Variants in SLC35F3 observed in about 807,000 individuals in gnomAD.
The protein encoded by SLC35F3 is solute carrier family 35 member F3, also known as putative thiamine transporter SLC35F3.
In SLC35F3, 25 loss-of-function variants were observed where a neutral mutation model predicts 49.9. The ratio of observed to expected loss-of-function variants is 0.50; its 90% CI spans 0.37 to 0.70. SLC35F3 has a LOEUF of 0.70. Ranked by LOEUF, SLC35F3 falls within the 30% of genes least tolerant of loss-of-function variation. The pLI is 0.00. For missense variants in SLC35F3, 525 were observed against 639.8 expected, an observed-to-expected ratio of 0.82 and a Z score of 1.94; for synonymous variants, 275 against 265.4, an observed-to-expected ratio of 1.04 and a Z score of -0.35.
rs1002209877 is a variant in SLC35F3 at position 234,214,814 on chromosome 1, A to G, written c.284-16603A>G. The G allele has an allele frequency of 5.8e-5, 27 of 467,510 alleles. No individual in the cohort carries two copies. In the East Asian group the frequency reaches 1.0e-3, roughly 17 times the overall value. The allele number at this position is 467,510 out of a possible 1,614,324, so 29.0% of individuals were successfully genotyped here. On this transcript the variant is annotated intron_variant, in intron 2 of 7. Coordinates refer to ENST00000366618, the MANE Select transcript of SLC35F3 (RefSeq NM_173508.4). This position sits in a 1 kb window ranked among gnomAD's most constrained non-coding sequence, Gnocchi z 8.0. ...CGGCGAGTGAGCACCCGGCTCCCCA[A>G]CCCTCTCCTTCCTGGGCAGCACCCA...
chr1:233,938,445 A>C (rs1259248710), intron 2 of SLC35F3, among the ~76,000 whole-genome samples: 1 of 152,196 alleles, frequency 6.6e-6, no homozygotes, highest in Admixed American at 6.5e-5. Flanking sequence ...GCAACCTAAG[A>C]ATATTGCCTT....
At position 234,081,904 on chromosome 1, in the gene SLC35F3, A is replaced by ATTTTTTTTTT. The variant is rs781469880; in HGVS notation, c.284-149490_284-149481dup. ...AGGCGCCTGCCACCATGCCTGGCTA[A>ATTTTTTTTTT]TTTTTTTTTTTTTTTTTTTTTTTTT... On this transcript the variant is annotated intron_variant, in intron 2 of 7. Coordinates refer to ENST00000366618, the MANE Select transcript of SLC35F3 (RefSeq NM_173508.4). 1.7e-3 allele frequency among the ~76,000 whole-genome samples: 65 copies of ATTTTTTTTTT among 39,232 alleles called. 11 individuals are homozygous for ATTTTTTTTTT. The highest frequency in any genetic ancestry group is 4.3e-3 in the South Asian group (3 of 694). 25.7% of individuals were successfully genotyped at this position (39,232 alleles called of 152,430 possible).
chr1:234,294,265 C>T (rs1026562947), intron 3 of SLC35F3, among the ~76,000 whole-genome samples: 4 of 152,152 alleles, frequency 2.6e-5, no homozygotes, highest in Admixed American at 1.3e-4. Context: ...CCCTCGACAG[C>T]GTTGAGCCGA....
intron 2 of SLC35F3, chr1:234,213,300 A>G (rs1226052494): frequency 1.3e-5 from 2 of 152,236 alleles, no homozygotes; most frequent in Non-Finnish European, 2.9e-5. Context: ...ATTCTGGGCA[A>G]AGATCTAACC....
intron 3 of SLC35F3, among the ~76,000 whole-genome samples, chr1:234,258,589 G>T (rs1335048400): frequency 1.3e-5 from 2 of 152,206 alleles, no homozygotes; most frequent in African/African-American, 2.4e-5. Flanking sequence ...AACAAGGAGC[G>T]AATAGTTTTG....
At chr1:234,316,935 C>A (rs968717436) in intron 5 of SLC35F3, among the ~76,000 whole-genome samples, 2 of 152,232 alleles carry the variant, frequency 1.3e-5, no homozygotes, top group African/African-American at 4.8e-5. Flanking sequence ...CTGCTCTTGG[C>A]TTTGGCTCTC....
chr1:234,150,099 C>T (rs756113155), intron 2 of SLC35F3, among the ~76,000 whole-genome samples: 13 of 152,212 alleles, frequency 8.5e-5, no homozygotes, highest in Non-Finnish European at 1.6e-4. Flanking sequence ...AGAATTTTTG[C>T]TCATCCAATC....
chr1:233,955,434 CTAG>C (rs1662680817), intron 2 of SLC35F3, among the ~76,000 whole-genome samples: 1 of 152,150 alleles, frequency 6.6e-6, no homozygotes, highest in Non-Finnish European at 1.5e-5. Flanking sequence ...TGGCCGGGGA[CTAG>C]TAGTCAACCT....
At chr1:234,298,407 C>T (rs1668638725) in intron 3 of SLC35F3, among the ~76,000 whole-genome samples, 2 of 152,138 alleles carry the variant, frequency 1.3e-5, no homozygotes, top group South Asian at 4.1e-4. Flanking sequence ...AAGAAAATAA[C>T]ATGGTCTGAT....
intron 2 of SLC35F3, among the ~76,000 whole-genome samples, chr1:234,179,132 T>C (rs1666520211): frequency 6.6e-6 from 1 of 152,158 alleles, no homozygotes; most frequent in South Asian, 2.1e-4. Context: ...TTCTTGACTC[T>C]GCAGAGCTGA....
intron 2 of SLC35F3, among the ~76,000 whole-genome samples, chr1:234,092,406 C>T (rs1025419595): frequency 1.3e-5 from 2 of 152,166 alleles, no homozygotes; most frequent in African/African-American, 4.8e-5. Context: ...CCTCTCCCAC[C>T]CCCTCCTACA....
Position 234,214,424 on chromosome 1 carries a change from C to T in SLC35F3, c.284-16993C>T, listed in dbSNP as rs1396934403. On this transcript the variant is annotated intron_variant, in intron 2 of 7. Transcript: ENST00000366618. This position sits in a 1 kb window ranked among gnomAD's most constrained non-coding sequence, Gnocchi z 8.0. ...CAGAGGGCCGCGTCGGCCACGGGCC[C>T]GGGAGAGACGCGCTCCAGCCGGCCC... The T allele has an allele frequency of 4.1e-6, 6 of 1,461,746 alleles. No individual in the cohort carries two copies. Among genetic ancestry groups the T allele is most frequent in the Non-Finnish European group, 5.4e-6 (6 of 1,104,158 alleles). The allele number at this position is 1,461,746 out of a possible 1,614,324, so 90.5% of individuals were successfully genotyped here. A position where few individuals can be genotyped will look rare whatever the true frequency, so the allele number is the denominator to read the frequency against.
In SLC35F3 at chr1:234,205,127, T is replaced by C. The variant is rs76454090; in HGVS notation, c.284-26290T>C. Among the ~76,000 whole-genome samples the C allele has an allele frequency of 4.4e-3, 670 of 152,276 alleles. 5 individuals are homozygous for C. Among genetic ancestry groups the C allele is most frequent in the Middle Eastern group, 0.014 (4 of 294 alleles). On this transcript the variant is annotated intron_variant, in intron 2 of 7. Coordinates refer to ENST00000366618, the MANE Select transcript of SLC35F3 (RefSeq NM_173508.4). ...TTATTTCTTTGGAGCACTTTATATT[T>C]TTTTGGCCAATAGGGTCATTTGGCA... is the stretch of plus-strand genomic sequence containing the variant.
intron 2 of SLC35F3, among the ~76,000 whole-genome samples, chr1:233,983,935 A>G (rs1377491848): frequency 6.6e-6 from 1 of 152,200 alleles, no homozygotes; most frequent in Non-Finnish European, 1.5e-5. Flanking sequence ...ACAACGTTCT[A>G]ATCAAGACTA....
Position 234,318,673 on chromosome 1 carries a change from A to T in SLC35F3, c.955-78A>T, listed in dbSNP as rs918084637. The T allele has an allele frequency of 3.1e-6, 4 of 1,291,448 alleles. No individual in the cohort carries two copies. In the African/African-American group the frequency reaches 4.4e-5, roughly 14 times the overall value. 80.0% of individuals were successfully genotyped at this position (1,291,448 alleles called of 1,614,324 possible). A position where few individuals can be genotyped will look rare whatever the true frequency, so the allele number is the denominator to read the frequency against. ...CTGCAGTGCAAACCCAGCGTTGTGG[A>T]GTGAACTCTGCTTTGCTTACATCAT... On this transcript the variant is annotated intron_variant, in intron 5 of 7. Transcript: ENST00000366618.
At chr1:234,091,066 C>T (rs1665037343) in intron 2 of SLC35F3, among the ~76,000 whole-genome samples, 1 of 152,168 alleles carries the variant, frequency 6.6e-6, no homozygotes, top group Admixed American at 6.5e-5. Flanking sequence ...TTTAATTACG[C>T]AAGTAATACA....
chr1:234,011,812 A>G (rs1006107005), intron 2 of SLC35F3, among the ~76,000 whole-genome samples: 7 of 152,120 alleles, frequency 4.6e-5, no homozygotes, highest in Admixed American at 6.5e-5. Flanking sequence ...TGGAGCACTG[A>G]AGGGGTGGCC....
At chr1:233,921,301 C>T (rs181780539) in intron 2 of SLC35F3, among the ~76,000 whole-genome samples, 1 of 152,270 alleles carries the variant, frequency 6.6e-6, no homozygotes, top group Non-Finnish European at 1.5e-5. Flanking sequence ...ATATCCGCCC[C>T]ACCCCGACAC....
intron 2 of SLC35F3, among the ~76,000 whole-genome samples, chr1:233,907,664 G>T: frequency 6.6e-6 from 1 of 152,292 alleles, no homozygotes; most frequent in Middle Eastern, 3.4e-3. Flanking sequence ...TAAATTTAGA[G>T]AAGGTAATGT....
Sources: gnomAD v4.1 joint callset for allele counts (sites outside exome capture counted in the v4.1 genomes callset) on GRCh38, gnomAD v4.1.1 for gene constraint, Gnocchi (gnomAD v3.1) non-coding constraint, MANE v1.5 for transcripts, NCBI Gene and HGNC (gene_info 2026-07-23, HGNC 2026-07-21) for gene names.